LHFPL3: variants seen among roughly 807,000 people sequenced by gnomAD.
The protein encoded by LHFPL3 is LHFPL tetraspan subfamily member 3.
A neutral mutation model predicts 19.3 loss-of-function variants in LHFPL3; 5 were observed. The observed-to-expected ratio is 0.26, with a 90% confidence interval of 0.14 to 0.54. The LOEUF is 0.54. Ranked by LOEUF, LHFPL3 falls within the 20% of genes least tolerant of loss-of-function variation. LHFPL3 has a pLI of 0.94. For synonymous variants in LHFPL3, 133 were observed against 126.2 expected (o/e 1.05, Z -0.36); for missense variants, 249 against 307.4 (o/e 0.81, Z 1.42).
At chr7:104,427,361 A>G (rs1791867670) in intron 1 of LHFPL3, among the ~76,000 whole-genome samples, 1 of 152,218 alleles carries the variant, frequency 6.6e-6, no homozygotes, top group Non-Finnish European at 1.5e-5. Flanking sequence ...TATCTACGCT[A>G]GAGTCTCCTA....
intron 2 of LHFPL3, among the ~76,000 whole-genome samples, chr7:104,852,882 C>T (rs1358381922): frequency 2.0e-5 from 3 of 152,254 alleles, no homozygotes; most frequent in South Asian, 2.1e-4. Context: ...CCCCACCTTC[C>T]GGCAGATGGG....
intron 1 of LHFPL3, among the ~76,000 whole-genome samples, chr7:104,731,668 A>G (rs1002742328): frequency 1.3e-5 from 2 of 151,748 alleles, no homozygotes; most frequent in Non-Finnish European, 2.9e-5. Flanking sequence ...GTCATCTGCA[A>G]ACAGGGACAA....
At chr7:104,489,821 CAAGG>C (rs1793306682) in intron 1 of LHFPL3, among the ~76,000 whole-genome samples, 1 of 152,118 alleles carries the variant, frequency 6.6e-6, no homozygotes, top group Non-Finnish European at 1.5e-5. Context: ...AATTTGGAGA[CAAGG>C]AAGTTTTGTG....
At chr7:104,774,987 G>C (rs4304268) in intron 2 of LHFPL3, among the ~76,000 whole-genome samples, 47,416 of 152,120 alleles carry the variant, frequency 0.31, 7,717 homozygotes, top group East Asian at 0.37. Flanking sequence ...GCTGGCTTTT[G>C]TGGAGCAGGT....
intron 2 of LHFPL3, among the ~76,000 whole-genome samples, chr7:104,805,860 T>C (rs766121675): frequency 5.3e-5 from 8 of 152,348 alleles, no homozygotes; most frequent in Non-Finnish European, 7.3e-5. Context: ...TAGGATTTAC[T>C]AGGTTAACCC....
rs548299589 is a variant in LHFPL3, at chr7:104,356,757, T to TG, written c.445+27537dup. On this transcript the variant is annotated intron_variant, in intron 1 of 2. Coordinates refer to ENST00000424859, the MANE Select transcript of LHFPL3 (RefSeq NM_199000.3). ...GAGATGTATCACTCCCACAGTCTAG[T>TG]GGGGAGGAAATGGCACCAACACCCA... Among the ~76,000 whole-genome samples the TG allele has an allele frequency of 1.5e-3, 234 of 152,166 alleles. 1 individual carries two copies. The highest frequency in any genetic ancestry group is 8.1e-3 in the South Asian group (39 of 4,814).
At chr7:104,803,318 A>G (rs1790292507) in intron 2 of LHFPL3, 1 of 152,254 alleles carries the variant, frequency 6.6e-6, no homozygotes, top group Non-Finnish European at 1.5e-5. Flanking sequence ...ATTCTATTCT[A>G]TTCACGCATT....
chr7:104,557,669 T>G (rs1184317032), intron 1 of LHFPL3, among the ~76,000 whole-genome samples: 3 of 152,108 alleles, frequency 2.0e-5, no homozygotes, highest in African/African-American at 7.2e-5. Flanking sequence ...TTTTTATTTT[T>G]ATTTTTATTT....
At chr7:104,863,417 T>A (rs1261470145) in intron 2 of LHFPL3, among the ~76,000 whole-genome samples, 3 of 152,214 alleles carry the variant, frequency 2.0e-5, no homozygotes, top group Non-Finnish European at 4.4e-5. Context: ...CCTCTGGGTT[T>A]TTTTCCCATG....
intron 1 of LHFPL3, among the ~76,000 whole-genome samples, chr7:104,379,781 G>A (rs901210482): frequency 3.9e-5 from 6 of 152,168 alleles, no homozygotes; most frequent in African/African-American, 1.2e-4. Flanking sequence ...CACAGCCACA[G>A]CTCTGCTATA....
chr7:104,568,240 A>G (rs1790159672), intron 1 of LHFPL3, among the ~76,000 whole-genome samples: 1 of 151,890 alleles, frequency 6.6e-6, no homozygotes, highest in East Asian at 1.9e-4. Context: ...TGGAGGTGAA[A>G]CTCCCAAGGT....
rs941940422 is a variant in LHFPL3, at chr7:104,414,455, G to A, written c.445+85231G>A. On this transcript the variant is annotated intron_variant, in intron 1 of 2. Coordinates refer to ENST00000424859, the MANE Select transcript of LHFPL3 (RefSeq NM_199000.3). The stretch of plus-strand genomic sequence containing the variant: ...GAAGCCTCAGTATTCTGAGCAACAC[G>A]TGATTGCGCCCAGATCTGAGGATGG... Among the ~76,000 whole-genome samples, 8 of 152,288 alleles carry A rather than the reference G, an allele frequency of 5.3e-5. No homozygotes were observed. In the East Asian group the frequency reaches 7.7e-4, roughly 15 times the overall value.
intron 1 of LHFPL3, among the ~76,000 whole-genome samples, chr7:104,652,816 T>A (rs1438329319): frequency 6.6e-6 from 1 of 150,830 alleles, no homozygotes; most frequent in African/African-American, 2.4e-5. Context: ...AAAACTGAGC[T>A]CAATTTCAAT....
rs1169066398 is a variant in LHFPL3 at position 104,619,920 on chromosome 7, A to T, written c.446-116755A>T. ...ACTGTTCCACCTCAGATCATTAGGCATTAGATTCTCATAAAGAGCTCACAG... is the reference window on the plus strand; with the variant it reads ...ACTGTTCCACCTCAGATCATTAGGCTTTAGATTCTCATAAAGAGCTCACAG... On this transcript the variant is annotated intron_variant, in intron 1 of 2. Transcript: ENST00000424859. 3.9e-5 allele frequency among the ~76,000 whole-genome samples: 6 copies of T among 152,184 alleles called. No homozygotes were observed. The East Asian group carries it at 1.2e-3, about 29-fold the overall frequency.
chr7:104,356,749 C>T (rs926879462), intron 1 of LHFPL3, among the ~76,000 whole-genome samples: 1 of 152,152 alleles, frequency 6.6e-6, no homozygotes, highest in African/African-American at 2.4e-5. Context: ...ATCACTCCCA[C>T]AGTCTAGTGG....
At chr7:104,459,683 G>C (rs894502770) in intron 1 of LHFPL3, among the ~76,000 whole-genome samples, 1 of 152,178 alleles carries the variant, frequency 6.6e-6, no homozygotes, top group Non-Finnish European at 1.5e-5. Context: ...AGGCACTGGA[G>C]AGGAGATAAA....
At chr7:104,687,972 G>A (rs1792837310) in intron 1 of LHFPL3, among the ~76,000 whole-genome samples, 1 of 152,198 alleles carries the variant, frequency 6.6e-6, no homozygotes, top group Non-Finnish European at 1.5e-5. Context: ...TAATGACCAT[G>A]CATGTAATTA....
At chr7:104,462,723 G>A (rs971526814) in intron 1 of LHFPL3, among the ~76,000 whole-genome samples, 1 of 152,152 alleles carries the variant, frequency 6.6e-6, no homozygotes, top group Non-Finnish European at 1.5e-5. Context: ...GTTTCTGCCA[G>A]GTTTTGATAT....
chr7:104,425,058 T>A (rs1354381992), intron 1 of LHFPL3, among the ~76,000 whole-genome samples: 1 of 142,734 alleles, frequency 7.0e-6, no homozygotes, highest in Non-Finnish European at 1.5e-5. Context: ...ATAGTGATCA[T>A]ACATGGAATT....
Sources: gnomAD v4.1 joint callset for allele counts (sites outside exome capture counted in the v4.1 genomes callset) on GRCh38, gnomAD v4.1.1 for gene constraint, MANE v1.5 for transcripts, NCBI Gene and HGNC (gene_info 2026-07-23, HGNC 2026-07-21) for gene names.